The following DNAJC15 variants were observed in gnomAD, a reference collection of about 807,000 sequenced individuals.
DNAJC15 encodes the protein dnaJ homolog subfamily C member 15.
DNAJC15 carries 27 observed loss-of-function variants against 22.4 expected under a neutral mutation model. That is an observed-to-expected ratio of 1.20 (90% confidence interval 0.89 to 1.66). The LOEUF (loss-of-function observed/expected upper bound fraction) is 1.66, where lower values mean the gene tolerates loss of function less well. DNAJC15 is among the 40% of genes most tolerant of loss of function. DNAJC15 has a pLI of 0.00. For missense variants in DNAJC15, 208 were observed against 187.1 expected (o/e 1.11, Z -0.65); for synonymous variants, 79 against 63.2 (o/e 1.25, Z -1.19).
At position 43,076,121 on chromosome 13, in the gene DNAJC15, T is replaced by C. The variant is rs76452844; in HGVS notation, c.235-2491T>C. On this transcript the variant is annotated intron_variant, in intron 3 of 5. Transcript: ENST00000379221. Reference sequence around the variant, plus strand: ...TTATCCTTCCTCTCCTCAAAACTTGTGTCAGGGGTGGGGGACTATTTGTTT... The same window carrying C: ...TTATCCTTCCTCTCCTCAAAACTTGCGTCAGGGGTGGGGGACTATTTGTTT... 3.9e-5 allele frequency among the ~76,000 whole-genome samples: 6 copies of C among 152,324 alleles called. No individual in the cohort carries two copies. The East Asian group carries it at 1.2e-3, about 29-fold the overall frequency.
chr13:43,057,683 A>T (rs189022010), intron 1 of DNAJC15, among the ~76,000 whole-genome samples: 7 of 152,258 alleles, frequency 4.6e-5, no homozygotes, highest in Admixed American at 3.3e-4. Flanking sequence ...TTGCTTTGTC[A>T]TACTACCAGA....
chr13:43,108,917 CCTA>C lies in DNAJC15; in HGVS notation c.*1673_*1675del, dbSNP rs1264927357. 1 of 152,166 alleles carries C rather than the reference CCTA, an allele frequency of 6.6e-6. No homozygotes were observed. Among genetic ancestry groups the C allele is most frequent in the African/African-American group, 2.4e-5 (1 of 41,442 alleles). 9.4% of individuals were successfully genotyped at this position (152,166 alleles called of 1,614,324 possible). A position where few individuals can be genotyped will look rare whatever the true frequency, so the allele number is the denominator to read the frequency against. On this transcript the variant is annotated 3_prime_UTR_variant, in exon 6 of 6. Transcript: ENST00000379221. Reference sequence around the variant, plus strand: ...CTTGCTTTAAAGTCCCCATACGTGTCCTACTAATTTTCTCATGCTTTAGTGTTT... The same window carrying C: ...CTTGCTTTAAAGTCCCCATACGTGTCCTAATTTTCTCATGCTTTAGTGTTT...
intron 5 of DNAJC15, among the ~76,000 whole-genome samples, chr13:43,097,609 T>C (rs999852187): frequency 2.0e-5 from 3 of 151,846 alleles, no homozygotes; most frequent in Non-Finnish European, 4.4e-5. Context: ...CTGTTTTGGA[T>C]GAGGGTTGTT....
intron 1 of DNAJC15, among the ~76,000 whole-genome samples, chr13:43,052,994 G>T (rs879261152): frequency 3.9e-5 from 6 of 152,152 alleles, no homozygotes; most frequent in Non-Finnish European, 8.8e-5. Context: ...CTAAACCAAT[G>T]TTTGGAAGGG....
rs532365254 is a variant in DNAJC15 at position 43,027,965 on chromosome 13, T to C, written c.108+4231T>C. 2.6e-5 allele frequency among the ~76,000 whole-genome samples: 4 copies of C among 152,338 alleles called. No homozygotes were observed. In the South Asian group the frequency reaches 8.3e-4, roughly 32 times the overall value. On this transcript the variant is annotated intron_variant, in intron 1 of 5. Transcript: ENST00000379221. ...AGCCACCGCACCCGGCCTAACTGATTCTTTCCCACTGTTTTTTACACCATA... is the reference window on the plus strand; with the variant it reads ...AGCCACCGCACCCGGCCTAACTGATCCTTTCCCACTGTTTTTTACACCATA...
chr13:43,037,098 G>A (rs534831502), intron 1 of DNAJC15, among the ~76,000 whole-genome samples: 1 of 152,316 alleles, frequency 6.6e-6, no homozygotes, highest in Admixed American at 6.5e-5. Flanking sequence ...TGAATGTCCA[G>A]CCCCCATGGT....
rs188164475 is a variant in DNAJC15, at chr13:43,050,188, G to A, written c.109-15498G>A. On this transcript the variant is annotated intron_variant, in intron 1 of 5. Coordinates refer to ENST00000379221, the MANE Select transcript of DNAJC15 (RefSeq NM_013238.3). ...ACCTGCCTCAGCCTCCCAAAGTGCTGGGATTACAGGCATGAGCCACTCTGC... is the reference window on the plus strand; with the variant it reads ...ACCTGCCTCAGCCTCCCAAAGTGCTAGGATTACAGGCATGAGCCACTCTGC... Among the ~76,000 whole-genome samples the A allele has an allele frequency of 3.3e-5, 5 of 152,262 alleles. No homozygotes were observed. In the East Asian group the frequency reaches 9.6e-4, roughly 29 times the overall value.
intron 3 of DNAJC15, among the ~76,000 whole-genome samples, chr13:43,069,248 T>G (rs886905539): frequency 6.6e-6 from 1 of 152,226 alleles, no homozygotes; most frequent in Non-Finnish European, 1.5e-5. Context: ...TTTAGTAGTA[T>G]TACATCAAAT....
intron 1 of DNAJC15, among the ~76,000 whole-genome samples, chr13:43,035,272 CAT>C (rs1338044542): frequency 2.0e-5 from 3 of 152,166 alleles, no homozygotes; most frequent in African/African-American, 7.2e-5. Context: ...GAAAGAGACT[CAT>C]TAACCTTTCT....
chr13:43,051,655 G>GTT (rs2040504226), intron 1 of DNAJC15, among the ~76,000 whole-genome samples: 1 of 92,712 alleles, frequency 1.1e-5, no homozygotes, highest in African/African-American at 3.9e-5. Context: ...GTGTGTGTGT[G>GTT]TGTGTGTATA....
chr13:43,079,860 G>T (rs1315663337), intron 4 of DNAJC15, among the ~76,000 whole-genome samples: 1 of 152,056 alleles, frequency 6.6e-6, no homozygotes, highest in Non-Finnish European at 1.5e-5. Context: ...AGAACTGAAA[G>T]CTGTATAAAA....
intron 1 of DNAJC15, among the ~76,000 whole-genome samples, chr13:43,042,583 A>G (rs1337850951): frequency 6.6e-6 from 1 of 152,218 alleles, no homozygotes; most frequent in East Asian, 1.9e-4. Context: ...CAAAAGAGGG[A>G]GAGCTTATCT....
intron 5 of DNAJC15, among the ~76,000 whole-genome samples, chr13:43,098,813 T>C (rs1320194164): frequency 1.3e-5 from 2 of 152,196 alleles, no homozygotes; most frequent in East Asian, 1.9e-4. Flanking sequence ...AGTTTTAATA[T>C]TGTGAAATGT....
chr13:43,077,664 A>G (rs1230151065), intron 3 of DNAJC15, among the ~76,000 whole-genome samples: 2 of 152,206 alleles, frequency 1.3e-5, no homozygotes, highest in African/African-American at 2.4e-5. Flanking sequence ...AGTGTCTGAC[A>G]GCTGGGAGCT....
intron 1 of DNAJC15, among the ~76,000 whole-genome samples, chr13:43,029,174 T>G (rs1267093763): frequency 6.6e-6 from 1 of 152,226 alleles, no homozygotes. Flanking sequence ...GTGTCTCTCT[T>G]GCTCACTGCT....
chr13:43,102,316 G>A (rs753722263), intron 5 of DNAJC15, among the ~76,000 whole-genome samples: 1 of 152,028 alleles, frequency 6.6e-6, no homozygotes, highest in Non-Finnish European at 1.5e-5. Context: ...GTTTCTTGTA[G>A]ATTCTGTATA....
At chr13:43,054,320 T>G (rs1411327145) in intron 1 of DNAJC15, among the ~76,000 whole-genome samples, 2 of 152,208 alleles carry the variant, frequency 1.3e-5, no homozygotes, top group African/African-American at 2.4e-5. Context: ...TTGCTGAGGT[T>G]TTTTGCATCT....
intron 1 of DNAJC15, among the ~76,000 whole-genome samples, chr13:43,026,890 G>T (rs1327485349): frequency 1.4e-4 from 21 of 152,080 alleles, no homozygotes; most frequent in African/African-American, 4.8e-4. Flanking sequence ...AAATCAAAAA[G>T]AAATAAATAT....
At chr13:43,052,865 CT>C (rs1261930053) in intron 1 of DNAJC15, among the ~76,000 whole-genome samples, 1 of 152,124 alleles carries the variant, frequency 6.6e-6, no homozygotes, top group Admixed American at 6.5e-5. Context: ...CTGATTATTT[CT>C]TTTGCTGTGC....
Sources: gnomAD v4.1 joint callset for allele counts (sites outside exome capture counted in the v4.1 genomes callset) on GRCh38, gnomAD v4.1.1 for gene constraint, MANE v1.5 for transcripts, NCBI Gene and HGNC (gene_info 2026-07-23, HGNC 2026-07-21) for gene names.